Variants in DNAH14 observed in about 807,000 individuals in gnomAD.
The protein encoded by DNAH14 is axonemal beta dynein heavy chain 14.
In DNAH14, 478 loss-of-function variants were observed where a neutral mutation model predicts 520.9. The ratio of observed to expected loss-of-function variants is 0.92; its 90% CI spans 0.85 to 0.99. The LOEUF is 0.99. DNAH14 is among the 50% of genes least tolerant of loss of function. The probability of loss-of-function intolerance (pLI) is 0.00; values close to 1 mark genes in which losing one functional copy is unlikely to be tolerated. For synonymous variants in DNAH14, 1,581 were observed against 1,757.2 expected, an observed-to-expected ratio of 0.90 and a Z score of 2.51; for missense variants, 4,831 against 5,234.5, an observed-to-expected ratio of 0.92 and a Z score of 2.38.
Position 225,042,933 on chromosome 1 carries a change from T to C in DNAH14, c.1587T>C (p.Ser529=). ...LCLRIPAESD[S]SENSKENFHE... ...TGAGAATTCCTGCTGAGAGTGATTC[T>C]TCAGAAAATTCTAAAGAGAACTTTC... The change falls in exon 13 of 86, where the codon TCT becomes TCC. Residue 529 remains serine (S), a synonymous_variant. Transcript: ENST00000682510. 3 of 1,551,822 alleles carry C rather than the reference T, an allele frequency of 1.9e-6. No individual in the cohort carries two copies. Among genetic ancestry groups the C allele is most frequent in the Non-Finnish European group, 2.6e-6 (3 of 1,147,028 alleles).
rs1458067891 is a variant in DNAH14 at position 225,206,960 on chromosome 1, A to G, written c.6187-8A>G. 2.7e-5 allele frequency: 39 copies of G among 1,469,100 alleles called. No individual in the cohort carries two copies. The highest frequency in any genetic ancestry group is 3.2e-5 in the Non-Finnish European group (36 of 1,110,582). 91.0% of individuals were successfully genotyped at this position (1,469,100 alleles called of 1,614,324 possible). On this transcript the variant is annotated splice_polypyrimidine_tract_variant and splice_region_variant and intron_variant, in intron 40 of 85. Coordinates refer to ENST00000682510, the MANE Select transcript of DNAH14 (RefSeq NM_001367479.1). ...TACATAAGATTATATTTTGCTCCTTATTATTAGGATCCTGTTGATCTGGGA... is the reference window on the plus strand; with the variant it reads ...TACATAAGATTATATTTTGCTCCTTGTTATTAGGATCCTGTTGATCTGGGA...
intron 58 of DNAH14, 102 bp downstream of exon 58, chr1:225,305,191 T>A: frequency 7.5e-7 from 1 of 1,326,882 alleles, no homozygotes; most frequent in Non-Finnish European, 1.0e-6. Flanking sequence ...GCCTTTTTGG[T>A]GGGACAAAAA....
intron 66 of DNAH14, among the ~76,000 whole-genome samples, chr1:225,334,974 TAA>T (rs746498702): frequency 7.3e-5 from 11 of 150,764 alleles, no homozygotes; most frequent in South Asian, 2.1e-4. Context: ...CCTCAAGTTA[TAA>T]GACTATACAT....
intron 11 of DNAH14, among the ~76,000 whole-genome samples, chr1:225,026,356 C>G (rs2066120522): frequency 6.6e-6 from 1 of 151,584 alleles, no homozygotes; most frequent in African/African-American, 2.4e-5. Context: ...TGAAGATTTA[C>G]TCTTGTTTTT....
chr1:225,189,361 A>G (rs1333665630), intron 37 of DNAH14, among the ~76,000 whole-genome samples: 1 of 150,558 alleles, frequency 6.6e-6, no homozygotes, highest in Non-Finnish European at 1.5e-5. Context: ...CTATCAGAGT[A>G]ATGCTGACCT....
chr1:225,029,709 C>T (rs2148090725), intron 11 of DNAH14, among the ~76,000 whole-genome samples: 1 of 151,848 alleles, frequency 6.6e-6, no homozygotes, highest in African/African-American at 2.4e-5. Context: ...ATGAGGAAAT[C>T]AAGAAGAAAG....
chr1:225,275,290 A>C (rs2093439732), intron 52 of DNAH14, among the ~76,000 whole-genome samples: 1 of 152,200 alleles, frequency 6.6e-6, no homozygotes, highest in Non-Finnish European at 1.5e-5. Flanking sequence ...GCCTCCAAGC[A>C]CATTACAACC....
intron 77 of DNAH14, among the ~76,000 whole-genome samples, chr1:225,370,345 C>A (rs2095605071): frequency 6.6e-6 from 1 of 151,096 alleles, no homozygotes; most frequent in Non-Finnish European, 1.5e-5. Context: ...TATAGAAAGC[C>A]CTGTCTGTAT....
intron 54 of DNAH14, among the ~76,000 whole-genome samples, chr1:225,279,305 C>T (rs889367227): frequency 1.3e-5 from 2 of 152,146 alleles, no homozygotes; most frequent in African/African-American, 4.8e-5. Flanking sequence ...CCACACCTGG[C>T]CCCCTATTAC....
intron 16 of DNAH14, among the ~76,000 whole-genome samples, chr1:225,051,223 A>G (rs928617284): frequency 2.6e-5 from 4 of 152,234 alleles, no homozygotes; most frequent in African/African-American, 9.6e-5. Flanking sequence ...TGTTAATTAT[A>G]AAGTTAAATA....
Position 225,207,003 on chromosome 1 carries a change from G to C in DNAH14, c.6222G>C (p.Lys2074Asn), listed in dbSNP as rs1449485632. The change falls in exon 41 of 86, where the codon AAG becomes AAC. Residue 2074 changes from lysine (K) to asparagine (N), a missense_variant. Lys to Asn is a moderately conservative substitution (Grantham distance 94). Transcript: ENST00000682510. ...PVDLGWEPYV[K>N]SWLLKTSKII... is the part of the protein sequence containing the mutation. ...ATCTGGGATGGGAACCTTATGTTAA[G>C]TCATGGCTTCTGAAAACTTCTAAAA... is the stretch of plus-strand genomic sequence containing the variant. The C allele has an allele frequency of 6.5e-7, 1 of 1,540,764 alleles. No individual in the cohort carries two copies. Among genetic ancestry groups the C allele is most frequent in the African/African-American group, 1.4e-5 (1 of 72,562 alleles).
Position 225,002,791 on chromosome 1 carries a change from T to C in DNAH14, c.839T>C (p.Leu280Ser). Residue 280 changes from leucine to serine, a missense_variant, in exon 9 of 86, where the codon TTG (leucine) becomes TCG (serine). Leu to Ser is a moderately radical substitution (Grantham distance 145). Coordinates refer to ENST00000682510, the MANE Select transcript of DNAH14 (RefSeq NM_001367479.1). ...RIKTEKSRSF[L>S]YHHLFLADDL... Reference sequence around the variant, plus strand: ...AATTTTTTAACTTTCAGGTCATTTTTGTACCACCATCTTTTTTTGGCTGAT... The same window carrying C: ...AATTTTTTAACTTTCAGGTCATTTTCGTACCACCATCTTTTTTTGGCTGAT... 1.3e-6 allele frequency: 2 copies of C among 1,548,788 alleles called. No homozygotes were observed. The highest frequency in any genetic ancestry group is 1.7e-6 in the Non-Finnish European group (2 of 1,145,598).
chr1:225,048,987 T>TA lies in DNAH14; in HGVS notation c.1913-1222dup, dbSNP rs924975729. ...ACAAATGATATTGTTCATCTTTTAT[T>TA]ATGCTAGTTTTCCATCTGCATATCT... On this transcript the variant is annotated intron_variant, in intron 15 of 85. Coordinates refer to ENST00000682510, the MANE Select transcript of DNAH14 (RefSeq NM_001367479.1). Among the ~76,000 whole-genome samples, 29 of 152,184 alleles carry TA rather than the reference T, an allele frequency of 1.9e-4. 1 individual carries two copies. The highest frequency in any genetic ancestry group is 3.1e-4 in the Non-Finnish European group (21 of 68,018).
At chr1:225,018,800 C>T (rs1266257098) in intron 10 of DNAH14, among the ~76,000 whole-genome samples, 1 of 152,122 alleles carries the variant, frequency 6.6e-6, no homozygotes, top group African/African-American at 2.4e-5. Flanking sequence ...TCCCACCAAA[C>T]TAAGCTTCAT....
intron 44 of DNAH14, 73 bp downstream of exon 44, chr1:225,252,490 ATCTAC>A: frequency 2.5e-6 from 2 of 807,072 alleles, no homozygotes; most frequent in Non-Finnish European, 1.9e-6. Flanking sequence ...AAGTAATTAT[ATCTAC>A]TCTATTTATA....
chr1:225,191,954 C>T lies in DNAH14; in HGVS notation c.5671-742C>T, dbSNP rs114788329. ...TCCTACTTGTTCTTACACCATTTTCCAGTTTCCTCAGACTTGATCTTTGCT... is the reference window on the plus strand; with the variant it reads ...TCCTACTTGTTCTTACACCATTTTCTAGTTTCCTCAGACTTGATCTTTGCT... On this transcript the variant is annotated intron_variant, in intron 37 of 85. Transcript: ENST00000682510. Among the ~76,000 whole-genome samples the T allele has an allele frequency of 7.1e-3, 1,084 of 151,988 alleles. 9 individuals are homozygous for T. The highest frequency in any genetic ancestry group is 0.024 in the African/African-American group (1,015 of 41,438).
At chr1:224,980,359 G>C (rs916366739) in intron 8 of DNAH14, among the ~76,000 whole-genome samples, 1 of 152,182 alleles carries the variant, frequency 6.6e-6, no homozygotes, top group Admixed American at 6.5e-5. Flanking sequence ...ACTCCCTATG[G>C]GCCTGTGGTG....
intron 35 of DNAH14, among the ~76,000 whole-genome samples, chr1:225,159,951 A>T (rs995503412): frequency 6.6e-6 from 1 of 152,024 alleles, no homozygotes; most frequent in Non-Finnish European, 1.5e-5. Flanking sequence ...TAAGAACTCA[A>T]TGTCTCTTGT....
chr1:225,009,196 T>C lies in DNAH14; in HGVS notation c.1107+1652T>C, dbSNP rs1428947681. ...GAAGTCTTTGCCCATGCCTATGTCC[T>C]GGTATTACCTAGGTTTTCTTCTAGG... On this transcript the variant is annotated intron_variant, in intron 10 of 85. Transcript: ENST00000682510. Among the ~76,000 whole-genome samples the C allele has an allele frequency of 2.0e-5, 3 of 152,104 alleles. No individual in the cohort carries two copies. In the East Asian group the frequency reaches 5.8e-4, roughly 29 times the overall value.
Sources: allele counts gnomAD v4.1 joint callset (sites outside exome capture counted in the v4.1 genomes callset), GRCh38; gene constraint gnomAD v4.1.1; transcripts MANE v1.5; gene names NCBI Gene and HGNC (gene_info 2026-07-23, HGNC 2026-07-21).